The following NTRK3 variants were observed in gnomAD, a reference collection of about 807,000 sequenced individuals.
NTRK3 encodes NT-3 growth factor receptor.
A neutral mutation model predicts 91.7 loss-of-function variants in NTRK3; 24 were observed. The observed-to-expected ratio is 0.26, with a 90% CI of 0.19 to 0.37. The LOEUF (loss-of-function observed/expected upper bound fraction) is 0.37, where lower values mean the gene tolerates loss of function less well. NTRK3 is among the 10% of genes least tolerant of loss of function. The pLI is 1.00. For synonymous variants in NTRK3, 483 were observed against 404.0 expected (o/e 1.20, Z -2.34); for missense variants, 880 against 1,068.9 (o/e 0.82, Z 2.46).
intron 7 of NTRK3, 108 bp downstream of exon 7, chr15:88,137,296 G>T: frequency 7.7e-7 from 1 of 1,290,338 alleles, no homozygotes; most frequent in Non-Finnish European, 1.1e-6. Flanking sequence ...GGCTGGGAGG[G>T]CGTTTCGAAA....
At chr15:88,103,531 C>T (rs1037245502) in intron 13 of NTRK3, among the ~76,000 whole-genome samples, 3 of 152,124 alleles carry the variant, frequency 2.0e-5, no homozygotes, top group African/African-American at 7.2e-5. Context: ...GATGGGGCAG[C>T]TTCAATACTG....
exon 19 of NTRK3, chr15:87,865,668 T>C (rs941618589): frequency 3.2e-5 from 7 of 219,996 alleles, no homozygotes; most frequent in Admixed American, 5.8e-5. Flanking sequence ...TACAAAGCAT[T>C]ATGTTGAAAT....
At chr15:88,084,521 C>G (rs751068590) in intron 13 of NTRK3, among the ~76,000 whole-genome samples, 1 of 152,112 alleles carries the variant, frequency 6.6e-6, no homozygotes, top group South Asian at 2.1e-4. Flanking sequence ...GGAAATGGCC[C>G]GAAGTCCCTG....
intron 13 of NTRK3, among the ~76,000 whole-genome samples, chr15:88,064,685 G>A (rs1033814708): frequency 6.6e-6 from 1 of 152,122 alleles, no homozygotes; most frequent in Non-Finnish European, 1.5e-5. Flanking sequence ...CGAGAGGGTG[G>A]ACATGACAGA....
At chr15:88,151,915 G>C (rs2043415560) in intron 5 of NTRK3, among the ~76,000 whole-genome samples, 1 of 152,176 alleles carries the variant, frequency 6.6e-6, no homozygotes. Context: ...GCTCCTGGAT[G>C]CTCACTCCAC....
chr15:88,174,029 T>C (rs557736793), intron 5 of NTRK3, among the ~76,000 whole-genome samples: 5 of 152,366 alleles, frequency 3.3e-5, no homozygotes, highest in African/African-American at 1.2e-4. Flanking sequence ...ACTGATATTA[T>C]GTCCCTGGAA....
chr15:87,906,387 C>G (rs1332082486), intron 17 of NTRK3, among the ~76,000 whole-genome samples: 3 of 152,176 alleles, frequency 2.0e-5, no homozygotes, highest in Non-Finnish European at 4.4e-5. Context: ...ATGGCCAGCA[C>G]AAGTCAGAGA....
intron 14 of NTRK3, among the ~76,000 whole-genome samples, chr15:87,975,437 CA>C (rs1449517442): frequency 1.3e-5 from 2 of 152,168 alleles, no homozygotes; most frequent in Non-Finnish European, 2.9e-5. Flanking sequence ...CCCGCAGGAT[CA>C]AAATGTAAGC....
At chr15:88,000,725 G>C (rs2076044759) in intron 14 of NTRK3, among the ~76,000 whole-genome samples, 1 of 152,082 alleles carries the variant, frequency 6.6e-6, no homozygotes, top group African/African-American at 2.4e-5. Context: ...ATATTCCATG[G>C]ATATATTATA....
intron 13 of NTRK3, among the ~76,000 whole-genome samples, chr15:88,070,595 T>C (rs1012810730): frequency 1.1e-4 from 17 of 151,880 alleles, no homozygotes; most frequent in African/African-American, 3.9e-4. Flanking sequence ...AAACTCCCAT[T>C]CCCAGATCCA....
rs2046670651 is a variant in NTRK3, at chr15:88,183,285, C to A, written c.395+133G>T. On this transcript the variant is annotated intron_variant, in intron 5 of 18. Transcript: ENST00000394480. ...TCCTTTTAAGAGGCAAAATTGGAAGCCCAATAAAGTTCAAAACCTTGCCCA... is the reference window on the plus strand; with the variant it reads ...TCCTTTTAAGAGGCAAAATTGGAAGACCAATAAAGTTCAAAACCTTGCCCA... The A allele has an allele frequency of 3.6e-6, 3 of 833,036 alleles. No homozygotes were observed. In the East Asian group the frequency reaches 7.4e-5, roughly 20 times the overall value. 51.6% of individuals were successfully genotyped at this position (833,036 alleles called of 1,614,324 possible). A position where few individuals can be genotyped will look rare whatever the true frequency, so the allele number is the denominator to read the frequency against.
At chr15:88,140,802 G>A (rs922163718) in intron 6 of NTRK3, among the ~76,000 whole-genome samples, 2 of 152,146 alleles carry the variant, frequency 1.3e-5, no homozygotes, top group Non-Finnish European at 2.9e-5. Context: ...GGCCCCCCCA[G>A]GACACCCTGG....
intron 17 of NTRK3, among the ~76,000 whole-genome samples, chr15:87,884,619 T>C (rs1238842831): frequency 6.6e-6 from 1 of 151,712 alleles, no homozygotes; most frequent in Non-Finnish European, 1.5e-5. Context: ...ATTTATCAAA[T>C]CAGCACTATA....
intron 14 of NTRK3, among the ~76,000 whole-genome samples, chr15:88,017,564 G>A (rs962104003): frequency 2.0e-5 from 3 of 152,234 alleles, no homozygotes; most frequent in Non-Finnish European, 4.4e-5. Context: ...GGGGTTTGCA[G>A]TGGTTGGTTC....
rs1284892286 is a variant in NTRK3, at chr15:87,937,454, T to G, written c.1716+3169A>C. Among the ~76,000 whole-genome samples, 3 of 152,296 alleles carry G rather than the reference T, an allele frequency of 2.0e-5. No homozygotes were observed. In the East Asian group the frequency reaches 5.8e-4, roughly 29 times the overall value. On this transcript the variant is annotated intron_variant, in intron 15 of 18. Coordinates refer to ENST00000394480, the Ensembl canonical transcript of NTRK3. Reference sequence around the variant, plus strand: ...GGAAAATAGTAAAAATCCGAGATTCTGCACTCAGATTGTTTCACAAATGTT... The same window carrying G: ...GGAAAATAGTAAAAATCCGAGATTCGGCACTCAGATTGTTTCACAAATGTT...
chr15:88,081,895 G>C lies in NTRK3; in HGVS notation c.1396+44376C>G, dbSNP rs28361305. Among the ~76,000 whole-genome samples the C allele has an allele frequency of 1.2e-3, 182 of 152,238 alleles. 1 individual carries two copies. The highest frequency in any genetic ancestry group is 4.2e-3 in the African/African-American group (173 of 41,538). ...TTCAGGTGCACTCAACTCTGCTGTG[G>C]CCCTCTGTGTCACCAAAACCCTGCT... On this transcript the variant is annotated intron_variant, in intron 13 of 18. Coordinates refer to ENST00000394480, the Ensembl canonical transcript of NTRK3.
chr15:88,175,722 T>C (rs150248173), intron 5 of NTRK3, among the ~76,000 whole-genome samples: 3 of 152,240 alleles, frequency 2.0e-5, no homozygotes. Flanking sequence ...ATTCTTCATA[T>C]ACATTAATTC....
intron 6 of NTRK3, among the ~76,000 whole-genome samples, chr15:88,142,769 C>T (rs186222219): frequency 4.3e-4 from 65 of 152,294 alleles, no homozygotes; most frequent in African/African-American, 1.4e-3. Flanking sequence ...TTAGTTGAGT[C>T]CTCCCAAAAG....
intron 13 of NTRK3, among the ~76,000 whole-genome samples, chr15:88,112,711 T>C (rs1466265722): frequency 2.6e-5 from 4 of 152,158 alleles, no homozygotes; most frequent in Non-Finnish European, 4.4e-5. Flanking sequence ...TTGGTCCCAG[T>C]GATGGGAGAC....
Sources: allele counts gnomAD v4.1 joint callset (sites outside exome capture counted in the v4.1 genomes callset), GRCh38; gene constraint gnomAD v4.1.1; transcripts MANE v1.5; gene names NCBI Gene and HGNC (gene_info 2026-07-23, HGNC 2026-07-21).